The following GRID2 variants were observed in gnomAD, a reference collection of about 807,000 sequenced individuals.
The protein encoded by GRID2 is glutamate ionotropic receptor delta type subunit 2, also known as glutamate receptor ionotropic, delta-2.
In GRID2, 33 loss-of-function variants were observed where a neutral mutation model predicts 114.8. The ratio of observed to expected loss-of-function variants is 0.29; its 90% CI spans 0.22 to 0.38. The LOEUF (loss-of-function observed/expected upper bound fraction) is 0.38. Among genes scored for constraint, GRID2 ranks in the 10% least tolerant of loss-of-function variants. The pLI, the probability that GRID2 is intolerant of heterozygous loss-of-function variation, is 1.00. For missense variants in GRID2, 1,184 were observed against 1,257.7 expected, an observed-to-expected ratio of 0.94 and a Z score of 0.89; for synonymous variants, 505 against 449.9, an observed-to-expected ratio of 1.12 and a Z score of -1.55.
intron 13 of GRID2, among the ~76,000 whole-genome samples, chr4:93,573,133 C>A (rs1056643091): frequency 6.6e-6 from 1 of 152,130 alleles, no homozygotes; most frequent in Non-Finnish European, 1.5e-5. Flanking sequence ...GGCTGACCTG[C>A]TATTCCAAGG....
intron 2 of GRID2, among the ~76,000 whole-genome samples, chr4:92,803,423 C>A (rs1740266416): frequency 6.6e-6 from 1 of 151,834 alleles, no homozygotes; most frequent in Admixed American, 6.6e-5. Context: ...TTAAATATAA[C>A]AAAGACGGGA....
chr4:92,552,618 T>C (rs1488988262), intron 1 of GRID2, among the ~76,000 whole-genome samples: 1 of 152,106 alleles, frequency 6.6e-6, no homozygotes, highest in African/African-American at 2.4e-5. Flanking sequence ...TAAGATCGAA[T>C]GAAGCAGATT....
intron 13 of GRID2, among the ~76,000 whole-genome samples, chr4:93,542,232 C>G (rs17020742): frequency 0.14 from 21,023 of 152,110 alleles, 2,811 homozygotes; most frequent in African/African-American, 0.35. Flanking sequence ...TTTCTACCCA[C>G]CTAAAATAAT....
chr4:93,469,824 G>A (rs187305771), intron 11 of GRID2, among the ~76,000 whole-genome samples: 59 of 152,192 alleles, frequency 3.9e-4, no homozygotes, highest in Admixed American at 1.3e-3. Context: ...CAGATCTTCT[G>A]TTGACACAGG....
At chr4:93,732,090 G>T (rs1192138438) in intron 14 of GRID2, among the ~76,000 whole-genome samples, 2 of 152,076 alleles carry the variant, frequency 1.3e-5, no homozygotes, top group Non-Finnish European at 2.9e-5. Context: ...TTCTAAAGAG[G>T]CAAAAACATA....
intron 2 of GRID2, among the ~76,000 whole-genome samples, chr4:92,788,978 A>G (rs1739449801): frequency 6.6e-6 from 1 of 151,912 alleles, no homozygotes; most frequent in Non-Finnish European, 1.5e-5. Context: ...TTCTTAATTT[A>G]AAGCATATTT....
chr4:93,312,435 C>T (rs1158486568), intron 8 of GRID2, among the ~76,000 whole-genome samples: 3 of 152,102 alleles, frequency 2.0e-5, no homozygotes, highest in Non-Finnish European at 4.4e-5. Flanking sequence ...AAACTTTTGA[C>T]CTGGAGCTCA....
intron 1 of GRID2, among the ~76,000 whole-genome samples, chr4:92,350,906 ATAT>A (rs1321466452): frequency 6.6e-6 from 1 of 151,874 alleles, no homozygotes; most frequent in Admixed American, 6.6e-5. Context: ...TGGATGTTTC[ATAT>A]AAATGGAATC....
At chr4:92,874,084 G>C (rs1299552307) in intron 2 of GRID2, among the ~76,000 whole-genome samples, 2 of 152,162 alleles carry the variant, frequency 1.3e-5, no homozygotes, top group African/African-American at 2.4e-5. Flanking sequence ...CACTCAGGAA[G>C]AGAAAGGAGC....
chr4:93,055,296 G>A (rs1727118878), intron 2 of GRID2, among the ~76,000 whole-genome samples: 2 of 151,556 alleles, frequency 1.3e-5, no homozygotes, highest in South Asian at 2.1e-4. Flanking sequence ...GCAGTGATGA[G>A]GTTGCTAGGT....
chr4:92,682,096 T>A (rs553925947), intron 2 of GRID2, among the ~76,000 whole-genome samples: 1,532 of 146,226 alleles, frequency 0.01, 24 homozygotes, highest in South Asian at 0.046. Context: ...TTTTTTTTTT[T>A]AATATACTTA....
chr4:92,556,589 G>A (rs1726860451), intron 1 of GRID2, among the ~76,000 whole-genome samples: 1 of 152,106 alleles, frequency 6.6e-6, no homozygotes, highest in African/African-American at 2.4e-5. Context: ...TCTGGGTGCT[G>A]TATGTCTAGT....
intron 1 of GRID2, among the ~76,000 whole-genome samples, chr4:92,462,362 T>C (rs1028068954): frequency 3.9e-5 from 6 of 151,984 alleles, no homozygotes; most frequent in Admixed American, 3.9e-4. Flanking sequence ...AAGTAAATAG[T>C]AGGAGAGAAT....
intron 8 of GRID2, among the ~76,000 whole-genome samples, chr4:93,301,041 G>T (rs1212654484): frequency 6.6e-6 from 1 of 152,298 alleles, no homozygotes; most frequent in Non-Finnish European, 1.5e-5. Flanking sequence ...GCCTGACACC[G>T]GGCTGCCTGT....
chr4:93,318,931 A>G (rs1190984008), intron 8 of GRID2: 1 of 152,152 alleles, frequency 6.6e-6, no homozygotes, highest in South Asian at 2.1e-4. Flanking sequence ...ATATGCTGAT[A>G]AATATGTTGA....
chr4:93,113,323 C>T (rs74652203), intron 4 of GRID2, among the ~76,000 whole-genome samples: 3,974 of 152,150 alleles, frequency 0.026, 149 homozygotes, highest in East Asian at 0.19. Flanking sequence ...CTGAGGTGTA[C>T]AGGGTTTAAG....
At chr4:92,812,588 C>T (rs1211644922) in intron 2 of GRID2, among the ~76,000 whole-genome samples, 1 of 151,590 alleles carries the variant, frequency 6.6e-6, no homozygotes, top group South Asian at 2.1e-4. Flanking sequence ...AGCATAATAC[C>T]CCTGTTTTAA....
chr4:93,331,674 C>T (rs1758477116), intron 8 of GRID2, among the ~76,000 whole-genome samples: 1 of 152,074 alleles, frequency 6.6e-6, no homozygotes, highest in African/African-American at 2.4e-5. Flanking sequence ...AATACATACA[C>T]ATATATAGGA....
chr4:92,944,047 A>G (rs1751398578), intron 2 of GRID2, among the ~76,000 whole-genome samples: 1 of 152,146 alleles, frequency 6.6e-6, no homozygotes, highest in Admixed American at 6.6e-5. Flanking sequence ...CCACTTGAGG[A>G]GGCAATCTGT....
Sources: gnomAD v4.1 joint callset for allele counts (sites outside exome capture counted in the v4.1 genomes callset) on GRCh38, gnomAD v4.1.1 for gene constraint, MANE v1.5 for transcripts, NCBI Gene and HGNC (gene_info 2026-07-23, HGNC 2026-07-21) for gene names.